TDRD12: variants seen among roughly 807,000 people sequenced by gnomAD.
The protein encoded by TDRD12 is putative ATP-dependent RNA helicase TDRD12.
A neutral mutation model predicts 133.5 loss-of-function variants in TDRD12; 158 were observed. The ratio of observed to expected loss-of-function variants is 1.18; its 90% CI spans 1.04 to 1.35. The LOEUF is 1.35. TDRD12 is among the 40% of genes most tolerant of loss of function. The pLI is 0.00. For missense variants in TDRD12, 1,443 were observed against 1,321.3 expected (o/e 1.09, Z -1.43); for synonymous variants, 460 against 477.9 (o/e 0.96, Z 0.49).
intron 1 of TDRD12, among the ~76,000 whole-genome samples, chr19:32,721,599 C>T (rs1029706380): frequency 3.3e-5 from 5 of 151,954 alleles, no homozygotes; most frequent in African/African-American, 1.2e-4. Context: ...TGGCTGTTCT[C>T]GAACTCCTGA....
chr19:32,794,136 C>T lies in TDRD12; in HGVS notation c.1288-492C>T, dbSNP rs1310426974. ...TTTTTTTTTTTTTGAGATGGAGTCT[C>T]GCTCTGTCACCCAGGCTGGAGTGCA... On this transcript the variant is annotated intron_variant, in intron 13 of 27. Transcript: ENST00000444215. Among the ~76,000 whole-genome samples, 7 of 99,614 alleles carry T rather than the reference C, an allele frequency of 7.0e-5. No individual in the cohort carries two copies. In the East Asian group the frequency reaches 1.0e-3, roughly 15 times the overall value. The allele number at this position is 99,614 out of a possible 152,430, so 65.4% of individuals were successfully genotyped here. A position where few individuals can be genotyped will look rare whatever the true frequency, so the allele number is the denominator to read the frequency against.
chr19:32,719,984 C>T (rs1251254719), exon 1 of TDRD12: 4 of 1,476,946 alleles, frequency 2.7e-6, no homozygotes, highest in Admixed American at 4.0e-5. Context: ...GCGGCGGGGG[C>T]CTGGCCGGGG....
At chr19:32,745,342 G>A (rs1282512127) in intron 4 of TDRD12, among the ~76,000 whole-genome samples, 2 of 152,198 alleles carry the variant, frequency 1.3e-5, no homozygotes, top group Non-Finnish European at 2.9e-5. Flanking sequence ...ACTGGGGTTT[G>A]GTCACCTTCT....
At chr19:32,744,751 T>C (rs1041342658) in intron 4 of TDRD12, among the ~76,000 whole-genome samples, 3 of 152,054 alleles carry the variant, frequency 2.0e-5, no homozygotes, top group Admixed American at 6.6e-5. Context: ...TCCTGTGGTC[T>C]GTAGAGACAT....
exon 1 of TDRD12, chr19:32,719,782 G>T (rs914174961): frequency 2.1e-5 from 11 of 532,570 alleles, no homozygotes; most frequent in Non-Finnish European, 3.7e-5. Context: ...CAGCGTGCGC[G>T]GGCATCCGGT....
chr19:32,735,676 A>G (rs1443523657), intron 2 of TDRD12, among the ~76,000 whole-genome samples: 4 of 152,260 alleles, frequency 2.6e-5, no homozygotes, highest in Admixed American at 2.6e-4. Context: ...CCAGAGCTAA[A>G]TAGGAGAAGT....
chr19:32,792,993 G>A (rs932578082), intron 13 of TDRD12, among the ~76,000 whole-genome samples: 4 of 152,106 alleles, frequency 2.6e-5, no homozygotes, highest in Admixed American at 6.6e-5. Context: ...CAAGACCAGC[G>A]TGGGCAACAT....
intron 13 of TDRD12, 123 bp downstream of exon 13, chr19:32,791,191 T>C: frequency 9.1e-7 from 1 of 1,095,288 alleles, no homozygotes. Context: ...ATTCTCTTTT[T>C]ATTTGAGATT....
intron 22 of TDRD12, 35 bp downstream of exon 22, chr19:32,807,683 G>A (rs1199829900): frequency 1.3e-5 from 18 of 1,375,242 alleles, no homozygotes; most frequent in African/African-American, 4.4e-5. Flanking sequence ...GTCCTCTGAC[G>A]AATGGTCATG....
intron 1 of TDRD12, among the ~76,000 whole-genome samples, chr19:32,726,986 G>A (rs1019922951): frequency 1.3e-5 from 2 of 152,140 alleles, no homozygotes; most frequent in Admixed American, 6.6e-5. Context: ...GGTAATTATA[G>A]TTTTAATTTT....
chr19:32,772,776 G>T, exon 9 of TDRD12: 1 of 1,511,428 alleles, frequency 6.6e-7, no homozygotes. Context: ...ATGTAATATG[G>T]ATTCATTGAG....
chr19:32,813,368 G>A (rs1967069297), intron 24 of TDRD12, among the ~76,000 whole-genome samples: 1 of 152,176 alleles, frequency 6.6e-6, no homozygotes. Context: ...AGACAGATTG[G>A]CAGGTGATGG....
At chr19:32,792,748 GAAGA>G (rs1971109195) in intron 13 of TDRD12, among the ~76,000 whole-genome samples, 1 of 152,208 alleles carries the variant, frequency 6.6e-6, no homozygotes, top group African/African-American at 2.4e-5. Context: ...CACAACTGCT[GAAGA>G]AAGAGATTCT....
chr19:32,820,983 G>A, intron 27 of TDRD12, 50 bp from the exon 28 acceptor site: 1 of 1,437,100 alleles, frequency 7.0e-7, no homozygotes, highest in South Asian at 1.3e-5. Flanking sequence ...TCTTCCACTT[G>A]GGCAGTTCCT....
chr19:32,818,331 A>G (rs1967257387), intron 27 of TDRD12, among the ~76,000 whole-genome samples, 174 bp downstream of exon 27: 1 of 152,064 alleles, frequency 6.6e-6, no homozygotes, highest in Admixed American at 6.6e-5. Flanking sequence ...GAACACAGAG[A>G]CCCGGAGGTG....
chr19:32,760,643 C>G (rs767832731), intron 8 of TDRD12, among the ~76,000 whole-genome samples: 1 of 152,106 alleles, frequency 6.6e-6, no homozygotes, highest in Non-Finnish European at 1.5e-5. Context: ...TTTACTATTA[C>G]TAGGCTTCTT....
intron 2 of TDRD12, among the ~76,000 whole-genome samples, chr19:32,735,796 C>G (rs1969205355): frequency 6.6e-6 from 1 of 151,878 alleles, no homozygotes; most frequent in African/African-American, 2.4e-5. Flanking sequence ...ATGGTGAAAC[C>G]CTGTCTCTAC....
chr19:32,778,609 C>T (rs1404115937), intron 11 of TDRD12, among the ~76,000 whole-genome samples: 3 of 152,118 alleles, frequency 2.0e-5, no homozygotes, highest in East Asian at 1.9e-4. Flanking sequence ...AAGCAATTCT[C>T]CTGCCTCAGC....
At chr19:32,808,198 A>T (rs1389322668) in intron 22 of TDRD12, among the ~76,000 whole-genome samples, 1 of 152,120 alleles carries the variant, frequency 6.6e-6, no homozygotes, top group African/African-American at 2.4e-5. Flanking sequence ...TTTTCTTTCT[A>T]ATCCTTTTTT....
Sources: allele counts gnomAD v4.1 joint callset (sites outside exome capture counted in the v4.1 genomes callset), GRCh38; gene constraint gnomAD v4.1.1; transcripts MANE v1.5; gene names NCBI Gene and HGNC (gene_info 2026-07-23, HGNC 2026-07-21).